C6: variants seen among roughly 807,000 people sequenced by gnomAD.
C6 encodes complement component C6.
In C6, 101 loss-of-function variants were observed where a neutral mutation model predicts 112.9. The observed-to-expected ratio is 0.89, with a 90% CI of 0.76 to 1.06. The LOEUF (loss-of-function observed/expected upper bound fraction) is 1.06. C6 is among the 50% of genes least tolerant of loss of function. C6 has a pLI of 0.00. For missense variants in C6, 1,202 were observed against 1,104.6 expected (o/e 1.09, Z -1.25); for synonymous variants, 431 against 384.1 (o/e 1.12, Z -1.43).
intron 5 of C6, 163 bp from the exon 6 acceptor site, chr5:41,186,371 G>A: frequency 1.4e-6 from 1 of 700,056 alleles, no homozygotes; most frequent in East Asian, 2.7e-5. Flanking sequence ...TCCATGGTGA[G>A]GCATGCAAGG....
chr5:41,153,729 A>G, intron 15 of C6, 81 bp downstream of exon 15: 1 of 1,082,576 alleles, frequency 9.2e-7, no homozygotes, highest in South Asian at 1.3e-5. Context: ...TGCTTAAGAA[A>G]TATAATGGCT....
chr5:41,200,891 G>GTTTTGTTTTTTTTTTT (rs1554029750), intron 3 of C6, among the ~76,000 whole-genome samples: 6 of 70,670 alleles, frequency 8.5e-5, no homozygotes, highest in Non-Finnish European at 7.3e-5. Flanking sequence ...TGTTGTTGTT[G>GTTTTGTTTTTTTTTTT]TTTTTTTTTT....
At chr5:41,149,645 A>C (rs749584269) in intron 16 of C6, among the ~76,000 whole-genome samples, 163 bp from the exon 17 acceptor site, 1 of 152,210 alleles carries the variant, frequency 6.6e-6, no homozygotes, top group Non-Finnish European at 1.5e-5. Context: ...GAAAGTGTTG[A>C]TATAACTGAG....
chr5:41,202,057 T>G (rs530281256), intron 2 of C6, among the ~76,000 whole-genome samples: 1 of 152,202 alleles, frequency 6.6e-6, no homozygotes, highest in Non-Finnish European at 1.5e-5. Context: ...CTGGAGCTCC[T>G]CTAATGGACT....
chr5:41,250,872 C>T (rs922671885), intron 1 of C6, among the ~76,000 whole-genome samples: 1 of 152,184 alleles, frequency 6.6e-6, no homozygotes, highest in African/African-American at 2.4e-5. Context: ...AGAGATGTCA[C>T]CTTCCCAGAA....
chr5:41,195,126 G>T (rs1750507120), intron 5 of C6, among the ~76,000 whole-genome samples: 1 of 152,152 alleles, frequency 6.6e-6, no homozygotes, highest in African/African-American at 2.4e-5. Context: ...TCTGCCATTA[G>T]GCTCTGCTGA....
At chr5:41,249,004 C>T (rs11951762) in intron 1 of C6, among the ~76,000 whole-genome samples, 1 of 152,108 alleles carries the variant, frequency 6.6e-6, no homozygotes, top group South Asian at 2.1e-4. Context: ...TTCTTTTCAG[C>T]AACATAGATA....
chr5:41,178,719 G>A (rs763165490), intron 7 of C6, among the ~76,000 whole-genome samples: 1 of 151,974 alleles, frequency 6.6e-6, no homozygotes, highest in Non-Finnish European at 1.5e-5. Flanking sequence ...CAGGTGATCT[G>A]CCTACCTCAG....
chr5:41,210,155 G>T (rs572786717), intron 1 of C6, among the ~76,000 whole-genome samples: 2 of 152,270 alleles, frequency 1.3e-5, no homozygotes, highest in South Asian at 4.1e-4. Context: ...GGGAAAACTG[G>T]CTAGCCATAT....
At chr5:41,206,805 G>A (rs1751474418) in intron 1 of C6, among the ~76,000 whole-genome samples, 1 of 152,192 alleles carries the variant, frequency 6.6e-6, no homozygotes, top group South Asian at 2.1e-4. Context: ...ACACTCTGCA[G>A]GATATTATCC....
chr5:41,220,190 G>A (rs775582561), intron 1 of C6, among the ~76,000 whole-genome samples: 2 of 152,264 alleles, frequency 1.3e-5, no homozygotes, highest in East Asian at 1.9e-4. Context: ...TTGCAAAAAT[G>A]AGGCTGGCCA....
chr5:41,177,781 C>T (rs1748978587), intron 7 of C6, among the ~76,000 whole-genome samples: 1 of 152,134 alleles, frequency 6.6e-6, no homozygotes, highest in Non-Finnish European at 1.5e-5. Flanking sequence ...CATTCATTGC[C>T]TACCTATCTG....
At chr5:41,150,884 T>TA (rs71606599) in intron 15 of C6, among the ~76,000 whole-genome samples, 11,545 of 129,940 alleles carry the variant, frequency 0.089, 793 homozygotes, top group African/African-American at 0.2. Flanking sequence ...AGACTCTGTC[T>TA]AAAAAAAAAA....
chr5:41,226,801 G>A (rs1204494863), intron 1 of C6, among the ~76,000 whole-genome samples: 1 of 152,068 alleles, frequency 6.6e-6, no homozygotes, highest in African/African-American at 2.4e-5. Flanking sequence ...CATGTTTTAA[G>A]GCTAAATAGT....
chr5:41,180,116 C>G (rs915594568), intron 7 of C6, among the ~76,000 whole-genome samples: 58 of 152,284 alleles, frequency 3.8e-4, no homozygotes, highest in Non-Finnish European at 2.2e-4. Context: ...CTTGGGAAAA[C>G]TATCCACACA....
intron 12 of C6, 123 bp from the exon 13 acceptor site, chr5:41,158,908 TACAC>T (rs778114536): frequency 2.3e-5 from 24 of 1,021,800 alleles, no homozygotes; most frequent in Non-Finnish European, 3.5e-5. Context: ...TAGAAAACAT[TACAC>T]ACAGAAAAAG....
chr5:41,228,481 TC>T (rs1187203508), intron 1 of C6, among the ~76,000 whole-genome samples: 2 of 152,188 alleles, frequency 1.3e-5, no homozygotes, highest in Admixed American at 1.3e-4. Context: ...GGCTAAGACT[TC>T]CAGTACTACA....
intron 9 of C6, among the ~76,000 whole-genome samples, chr5:41,171,644 G>A (rs1306524462): frequency 6.6e-6 from 1 of 152,148 alleles, no homozygotes; most frequent in Non-Finnish European, 1.5e-5. Flanking sequence ...GGCTAAAATT[G>A]GGAAGGAGTA....
chr5:41,185,336 C>T (rs992373616), intron 6 of C6, among the ~76,000 whole-genome samples: 5 of 152,164 alleles, frequency 3.3e-5, no homozygotes, highest in African/African-American at 9.7e-5. Context: ...TTGCTGAACT[C>T]ATATTACCCA....
Sources: gnomAD v4.1 joint callset for allele counts (sites outside exome capture counted in the v4.1 genomes callset) on GRCh38, gnomAD v4.1.1 for gene constraint, MANE v1.5 for transcripts, NCBI Gene and HGNC (gene_info 2026-07-23, HGNC 2026-07-21) for gene names.